Variants in ZC3H15 observed in about 807,000 individuals in gnomAD.
ZC3H15 encodes zinc finger CCCH domain-containing protein 15.
Under a neutral mutation model 51.2 loss-of-function variants are expected in ZC3H15, and 15 were observed. The observed-to-expected ratio is 0.29, with a 90% CI of 0.20 to 0.45. The LOEUF (loss-of-function observed/expected upper bound fraction) is 0.45. ZC3H15 is among the 20% of genes least tolerant of loss of function. ZC3H15 has a pLI of 1.00. For missense variants in ZC3H15, 381 were observed against 494.7 expected, an observed-to-expected ratio of 0.77 and a Z score of 2.18; for synonymous variants, 144 against 162.8, an observed-to-expected ratio of 0.88 and a Z score of 0.88.
intron 2 of ZC3H15, among the ~76,000 whole-genome samples, chr2:186,496,405 A>T (rs557992694): frequency 6.6e-6 from 1 of 152,212 alleles, no homozygotes; most frequent in African/African-American, 2.4e-5. Flanking sequence ...TTTTGTAGAG[A>T]CGGGATTTCG....
Position 186,508,712 on chromosome 2 carries a change from T to A in ZC3H15, c.1260T>A (p.Asn420Lys). ...TGGATGAACTAGAAGAAGAATTAAA[T>A]ACACTTGATTTAGAAGAATGACACC... The part of the protein sequence containing the change: ...EDLDELEEEL[N>K]TLDLEE Residue 420 changes from asparagine (N) to lysine (K), a missense_variant, in exon 10 of 10, where the codon AAT (asparagine) becomes AAA (lysine). Transcript: ENST00000337859. 1 of 1,613,980 alleles carries A rather than the reference T, an allele frequency of 6.2e-7. No homozygotes were observed.
chr2:186,490,357 C>T (rs934923049), intron 1 of ZC3H15, among the ~76,000 whole-genome samples: 1 of 152,178 alleles, frequency 6.6e-6, no homozygotes, highest in East Asian at 1.9e-4. Context: ...ATAAAAGATA[C>T]CCAGCTAAGA....
chr2:186,493,370 T>C (rs565426438), intron 1 of ZC3H15, among the ~76,000 whole-genome samples: 1 of 152,200 alleles, frequency 6.6e-6, no homozygotes, highest in Non-Finnish European at 1.5e-5. Context: ...AGCTAGTAAG[T>C]CTGTACAGTA....
At chr2:186,502,661 C>T in intron 5 of ZC3H15, 74 bp downstream of exon 5, 2 of 1,177,698 alleles carry the variant, frequency 1.7e-6, no homozygotes, top group East Asian at 2.6e-5. Flanking sequence ...GTATTTGCTG[C>T]TATTTTCTAT....
chr2:186,487,063 C>G (rs895247065), intron 1 of ZC3H15: 6 of 152,148 alleles, frequency 3.9e-5, no homozygotes, highest in African/African-American at 1.2e-4. Flanking sequence ...TAGGATAACG[C>G]CTTAAAAGAG....
chr2:186,499,449 C>T (rs1685341103), intron 2 of ZC3H15, among the ~76,000 whole-genome samples: 1 of 152,118 alleles, frequency 6.6e-6, no homozygotes, highest in South Asian at 2.1e-4. Flanking sequence ...AAAACTCATC[C>T]ATAAGGTTAT....
chr2:186,495,917 A>G (rs1685273976), intron 2 of ZC3H15, among the ~76,000 whole-genome samples: 1 of 152,092 alleles, frequency 6.6e-6, no homozygotes, highest in African/African-American at 2.4e-5. Flanking sequence ...TCTTTTGTAT[A>G]CTTGTTAGCT....
rs1431931665 is a variant in ZC3H15, at chr2:186,500,096, G to A, written c.178-86G>A. 3.1e-5 allele frequency: 34 copies of A among 1,085,180 alleles called. No individual in the cohort carries two copies. In the Admixed American group the frequency reaches 8.7e-4, roughly 28 times the overall value. 67.2% of individuals were successfully genotyped at this position (1,085,180 alleles called of 1,614,324 possible). A position where few individuals can be genotyped will look rare whatever the true frequency, so the allele number is the denominator to read the frequency against. ...AAAGGTAAGGACTGTAAATATGCAAGTGTCTTGTTATGGTAATGCTAACTT... is the reference window on the plus strand; with the variant it reads ...AAAGGTAAGGACTGTAAATATGCAAATGTCTTGTTATGGTAATGCTAACTT... On this transcript the variant is annotated intron_variant, in intron 2 of 9. Transcript: ENST00000337859.
At position 186,486,264 on chromosome 2, in the gene ZC3H15, C is replaced by T; in HGVS notation, c.-119C>T. On this transcript the variant is annotated 5_prime_UTR_variant, in exon 1 of 10. Transcript: ENST00000337859. The stretch of plus-strand genomic sequence containing the variant: ...GCGTTTGCGGGGCCAATGAGCGACT[C>T]GCTTTCCGTGCGGTGCGGCGAGTGA... The T allele has an allele frequency of 8.4e-7, 1 of 1,194,278 alleles. No individual in the cohort carries two copies. The highest frequency in any genetic ancestry group is 1.1e-6 in the Non-Finnish European group (1 of 889,842). 74.0% of individuals were successfully genotyped at this position (1,194,278 alleles called of 1,614,324 possible).
At position 186,508,932 on chromosome 2, in the gene ZC3H15, G is replaced by T; in HGVS notation, c.*199G>T. 1.5e-6 allele frequency: 1 copy of T among 658,322 alleles called. No individual in the cohort carries two copies. Among genetic ancestry groups the T allele is most frequent in the East Asian group, 2.9e-5 (1 of 35,006 alleles). 40.8% of individuals were successfully genotyped at this position (658,322 alleles called of 1,614,324 possible). A position where few individuals can be genotyped will look rare whatever the true frequency, so the allele number is the denominator to read the frequency against. ...TACATCTCATAGTAAGTTCAGAGTA[G>T]TTCATGATAAATTGAAAATATAATG... On this transcript the variant is annotated 3_prime_UTR_variant, in exon 10 of 10. Coordinates refer to ENST00000337859, the MANE Select transcript of ZC3H15 (RefSeq NM_018471.3).
At position 186,489,556 on chromosome 2, in the gene ZC3H15, G is replaced by T. The variant is rs1435231199; in HGVS notation, c.75+3099G>T. 2.0e-5 allele frequency among the ~76,000 whole-genome samples: 3 copies of T among 152,148 alleles called. No homozygotes were observed. In the East Asian group the frequency reaches 5.8e-4, roughly 29 times the overall value. On this transcript the variant is annotated intron_variant, in intron 1 of 9. Coordinates refer to ENST00000337859, the MANE Select transcript of ZC3H15 (RefSeq NM_018471.3). ...GGGAGGTTTTATAGCTGTATGACCT[G>T]AAATTCTAAATTGCTCAAAATTAAT...
chr2:186,501,421 A>G lies in ZC3H15; in HGVS notation c.438A>G (p.Glu146=). ...TTGATGCAAGAGATGAAGAACTTGA[A>G]AAAGGTAATTTTTTTAAAAACACTC... The part of the protein sequence containing the change: ...VYIDARDEEL[E]KDTMDNWDEK... The change falls in exon 4 of 10, where the codon GAA becomes GAG. Residue 146 remains glutamate, a synonymous_variant. Transcript: ENST00000337859. 1 of 1,605,662 alleles carries G rather than the reference A, an allele frequency of 6.2e-7. No individual in the cohort carries two copies. The highest frequency in any genetic ancestry group is 8.5e-7 in the Non-Finnish European group (1 of 1,177,092).
chr2:186,503,478 G>A (rs552773808), intron 5 of ZC3H15, among the ~76,000 whole-genome samples: 2 of 152,330 alleles, frequency 1.3e-5, no homozygotes, highest in African/African-American at 4.8e-5. Flanking sequence ...CCGGGTTCAA[G>A]AGATTCTCCT....
rs1685428757 is a variant in ZC3H15, at chr2:186,504,061, AAAC to A, written c.570_572del (p.Asn190del). Reference sequence around the variant, plus strand: ...GCAAGCATTTCCTGGAAGCTATTGAAAACAACAAGTATGGCTGGTTTTGGGTAT... The same window carrying A: ...GCAAGCATTTCCTGGAAGCTATTGAAAACAAGTATGGCTGGTTTTGGGTAT... On this transcript the variant is annotated inframe_deletion, in exon 6 of 10. Transcript: ENST00000337859. 3 of 1,599,702 alleles carry A rather than the reference AAAC, an allele frequency of 1.9e-6. No individual in the cohort carries two copies. The highest frequency in any genetic ancestry group is 1.3e-5 in the African/African-American group (1 of 74,100).
intron 1 of ZC3H15, among the ~76,000 whole-genome samples, chr2:186,488,438 C>T (rs1685140303): frequency 6.6e-6 from 1 of 152,184 alleles, no homozygotes; most frequent in East Asian, 1.9e-4. Flanking sequence ...CCTTTGTGTC[C>T]TTCTTCTTGC....
At chr2:186,504,864 C>T (rs1334131990) in intron 6 of ZC3H15, among the ~76,000 whole-genome samples, 1 of 152,168 alleles carries the variant, frequency 6.6e-6, no homozygotes. Flanking sequence ...ACTTCAGAAT[C>T]AGGTATATTT....
At chr2:186,495,091 C>T (rs1366736449) in intron 1 of ZC3H15, 142 bp from the exon 2 acceptor site, 3 of 483,998 alleles carry the variant, frequency 6.2e-6, no homozygotes, top group Non-Finnish European at 1.1e-5. Flanking sequence ...CATATATTGC[C>T]TTGACTTGAT....
Position 186,508,636 on chromosome 2 carries a change from G to A in ZC3H15, c.1184G>A (p.Gly395Glu). The A allele has an allele frequency of 6.2e-7, 1 of 1,614,098 alleles. No homozygotes were observed. The highest frequency in any genetic ancestry group is 8.5e-7 in the Non-Finnish European group (1 of 1,180,000). ...EDNEREGTEN[G>E]AIDAVPVDEN... is the part of the protein sequence containing the mutation. ...AACGAGAGGGAGGGAACGGAAAATG[G>A]AGCCATTGATGCTGTTCCTGTTGAT... Residue 395 changes from glycine (G) to glutamate (E), a missense_variant, in exon 10 of 10, where the codon GGA (glycine) becomes GAA (glutamate). Physicochemically the swap from Gly to Glu is moderately conservative, Grantham distance 98. Transcript: ENST00000337859.
intron 1 of ZC3H15, among the ~76,000 whole-genome samples, chr2:186,487,858 TC>T (rs1030630163): frequency 5.9e-5 from 9 of 152,312 alleles, no homozygotes; most frequent in African/African-American, 2.2e-4. Flanking sequence ...TGTAGAGCTT[TC>T]TCTATATCTA....
Sources: gnomAD v4.1 joint callset for allele counts (sites outside exome capture counted in the v4.1 genomes callset) on GRCh38, gnomAD v4.1.1 for gene constraint, MANE v1.5 for transcripts, NCBI Gene and HGNC (gene_info 2026-07-23, HGNC 2026-07-21) for gene names.